GRID2: variants seen among roughly 807,000 people sequenced by gnomAD.
GRID2 encodes the protein glutamate ionotropic receptor delta type subunit 2.
Under a neutral mutation model 114.8 loss-of-function variants are expected in GRID2, and 33 were observed. The ratio of observed to expected loss-of-function variants is 0.29; its 90% confidence interval spans 0.22 to 0.38. The LOEUF is 0.38. GRID2 is among the 10% of genes least tolerant of loss of function. The pLI is 1.00. For missense variants in GRID2, 1,184 were observed against 1,257.7 expected (o/e 0.94, Z 0.89); for synonymous variants, 505 against 449.9 (o/e 1.12, Z -1.55).
At chr4:92,967,814 A>G (rs1169322736) in intron 2 of GRID2, among the ~76,000 whole-genome samples, 5 of 151,950 alleles carry the variant, frequency 3.3e-5, no homozygotes, top group Non-Finnish European at 7.4e-5. Flanking sequence ...TAGCTCCAAC[A>G]AAACATCTTT....
chr4:92,674,506 C>T (rs1314912669), intron 2 of GRID2, among the ~76,000 whole-genome samples: 4 of 151,832 alleles, frequency 2.6e-5, no homozygotes, highest in Non-Finnish European at 4.4e-5. Context: ...CATCTCTTTA[C>T]CCATTTGTTT....
chr4:92,706,646 CA>C (rs763892318), intron 2 of GRID2, among the ~76,000 whole-genome samples: 6 of 152,064 alleles, frequency 3.9e-5, no homozygotes, highest in Non-Finnish European at 7.4e-5. Context: ...AGAATACATG[CA>C]AAATAAAGAA....
intron 2 of GRID2, among the ~76,000 whole-genome samples, chr4:92,703,100 G>C (rs1734764453): frequency 1.3e-5 from 2 of 152,100 alleles, no homozygotes; most frequent in African/African-American, 4.8e-5. Flanking sequence ...AGCTTAGCAA[G>C]GAAGACTGCC....
intron 2 of GRID2, among the ~76,000 whole-genome samples, chr4:92,662,566 A>G (rs750697535): frequency 6.6e-6 from 1 of 150,968 alleles, no homozygotes. Flanking sequence ...TCCAGACACT[A>G]CTTTGCAAAC....
chr4:92,467,527 G>T (rs1721814424), intron 1 of GRID2, among the ~76,000 whole-genome samples: 2 of 151,846 alleles, frequency 1.3e-5, no homozygotes, highest in African/African-American at 4.8e-5. Flanking sequence ...TCCAAGTACT[G>T]TATGCATCTG....
chr4:92,932,575 A>C (rs559572980), intron 2 of GRID2, among the ~76,000 whole-genome samples: 2 of 151,470 alleles, frequency 1.3e-5, no homozygotes, highest in Non-Finnish European at 3.0e-5. Context: ...GCCCAAGAGA[A>C]ATGAAATCAT....
chr4:92,776,316 A>G (rs1348120065), intron 2 of GRID2, among the ~76,000 whole-genome samples: 1 of 152,166 alleles, frequency 6.6e-6, no homozygotes, highest in Non-Finnish European at 1.5e-5. Context: ...TCCCATAGAT[A>G]TATAGTATAT....
At chr4:92,839,630 T>C (rs920264145) in intron 2 of GRID2, among the ~76,000 whole-genome samples, 2 of 152,036 alleles carry the variant, frequency 1.3e-5, no homozygotes, top group Non-Finnish European at 2.9e-5. Flanking sequence ...TTGTATAGTT[T>C]CCAAAATTCC....
At chr4:93,614,859 A>T (rs1741431374) in intron 13 of GRID2, among the ~76,000 whole-genome samples, 1 of 152,242 alleles carries the variant, frequency 6.6e-6, no homozygotes, top group Non-Finnish European at 1.5e-5. Flanking sequence ...AACTGTATTA[A>T]ATAACAACAG....
chr4:93,150,829 C>T (rs1736664668), intron 4 of GRID2, among the ~76,000 whole-genome samples: 2 of 152,046 alleles, frequency 1.3e-5, no homozygotes, highest in Middle Eastern at 6.8e-3. Flanking sequence ...ATATTACCCA[C>T]AGAAATACAG....
chr4:93,285,772 C>T (rs1158450789), intron 8 of GRID2, among the ~76,000 whole-genome samples: 1 of 151,768 alleles, frequency 6.6e-6, no homozygotes, highest in Admixed American at 6.6e-5. Context: ...TGGAGTGATA[C>T]AAAAGTCAAG....
intron 2 of GRID2, among the ~76,000 whole-genome samples, chr4:93,077,120 G>C (rs1729404038): frequency 6.6e-6 from 1 of 152,168 alleles, no homozygotes; most frequent in Admixed American, 6.5e-5. Context: ...TGGTAATTGA[G>C]TGTGTGGTGA....
intron 2 of GRID2, among the ~76,000 whole-genome samples, chr4:92,762,532 C>G (rs988251698): frequency 6.6e-6 from 1 of 151,562 alleles, no homozygotes; most frequent in Non-Finnish European, 1.5e-5. Context: ...TTACATAAAC[C>G]TCTTAACCTA....
intron 14 of GRID2, among the ~76,000 whole-genome samples, chr4:93,672,376 C>G (rs116287026): frequency 6.6e-6 from 1 of 152,146 alleles, no homozygotes. Flanking sequence ...CAGCATGTCA[C>G]GTGCATGTGG....
At chr4:93,777,737 A>G (rs1385781599), downstream of GRID2, among the ~76,000 whole-genome samples, 1 of 152,226 alleles carries the variant, frequency 6.6e-6, no homozygotes, top group Non-Finnish European at 1.5e-5. Flanking sequence ...AAGGAGAAAC[A>G]TATGTCACAA....
intron 4 of GRID2, among the ~76,000 whole-genome samples, chr4:93,187,423 G>A (rs1740537922): frequency 6.6e-6 from 1 of 151,960 alleles, no homozygotes; most frequent in Non-Finnish European, 1.5e-5. Context: ...TTATAAGCAT[G>A]TGCCACCACA....
intron 14 of GRID2, among the ~76,000 whole-genome samples, chr4:93,733,548 T>C (rs767132510): frequency 2.0e-5 from 3 of 152,064 alleles, no homozygotes; most frequent in Admixed American, 1.3e-4. Context: ...TCAGATAGAG[T>C]TCTCTATCTC....
At chr4:93,324,421 T>A (rs1431070021) in intron 8 of GRID2, among the ~76,000 whole-genome samples, 1 of 152,190 alleles carries the variant, frequency 6.6e-6, no homozygotes, top group African/African-American at 2.4e-5. Flanking sequence ...GTGGATATGC[T>A]GCTGGATTCA....
intron 11 of GRID2, among the ~76,000 whole-genome samples, chr4:93,459,334 A>C (rs900483216): frequency 1.3e-5 from 2 of 152,076 alleles, no homozygotes; most frequent in Non-Finnish European, 2.9e-5. Context: ...ATTTTTTTTG[A>C]AATGTAATAG....
Sources: gnomAD v4.1 joint callset for allele counts (sites outside exome capture counted in the v4.1 genomes callset) on GRCh38, gnomAD v4.1.1 for gene constraint, MANE v1.5 for transcripts, NCBI Gene and HGNC (gene_info 2026-07-23, HGNC 2026-07-21) for gene names.